The following DNAH6 variants were observed in gnomAD, a reference collection of about 807,000 sequenced individuals.
DNAH6 encodes axonemal beta dynein heavy chain 6.
A neutral mutation model predicts 491.4 loss-of-function variants in DNAH6; 340 were observed. The ratio of observed to expected loss-of-function variants is 0.69; its 90% CI spans 0.63 to 0.76. The LOEUF is 0.76. DNAH6 is among the 30% of genes least tolerant of loss of function. DNAH6 has a pLI of 0.00. For missense variants in DNAH6, 4,443 were observed against 4,972.2 expected, an observed-to-expected ratio of 0.89 and a Z score of 3.20; for synonymous variants, 1,603 against 1,686.1, an observed-to-expected ratio of 0.95 and a Z score of 1.21.
At chr2:84,792,727 G>A (rs1367995519) in intron 68 of DNAH6, among the ~76,000 whole-genome samples, 1 of 152,182 alleles carries the variant, frequency 6.6e-6, no homozygotes. Context: ...AATAAATTTT[G>A]CTCTAACTTA....
chr2:84,558,007 T>C, intron 11 of DNAH6, 72 bp downstream of exon 11: 1 of 1,004,564 alleles, frequency 1.0e-6, no homozygotes, highest in Non-Finnish European at 1.4e-6. Context: ...ATATATTTTT[T>C]CTTTCTTATC....
intron 29 of DNAH6, among the ~76,000 whole-genome samples, chr2:84,630,407 CCTAATGAAT>C (rs2104447626): frequency 6.6e-6 from 1 of 152,146 alleles, no homozygotes. Context: ...TAAACTTCAA[CCTAATGAAT>C]CTAATGGAGT....
At chr2:84,795,798 T>TA (rs1678288301) in intron 68 of DNAH6, among the ~76,000 whole-genome samples, 1 of 152,236 alleles carries the variant, frequency 6.6e-6, no homozygotes, top group South Asian at 2.1e-4. Context: ...TCCTTATAAT[T>TA]ACTGTGAAGT....
intron 3 of DNAH6, 50 bp downstream of exon 3, chr2:84,525,788 T>C: frequency 7.5e-7 from 1 of 1,333,526 alleles, no homozygotes; most frequent in Non-Finnish European, 1.0e-6. Context: ...TTTTGTTTTG[T>C]ATAGCATTGC....
chr2:84,698,897 G>A (rs1249481108), intron 47 of DNAH6, among the ~76,000 whole-genome samples: 1 of 152,168 alleles, frequency 6.6e-6, no homozygotes, highest in Non-Finnish European at 1.5e-5. Context: ...AAACATGGAT[G>A]CAGCTGGAGG....
At chr2:84,660,974 A>C (rs989226406) in intron 37 of DNAH6, among the ~76,000 whole-genome samples, 4 of 152,140 alleles carry the variant, frequency 2.6e-5, no homozygotes, top group Non-Finnish European at 5.9e-5. Context: ...GCTATAAATT[A>C]TATTATTGGA....
At chr2:84,565,955 T>C (rs983182699) in intron 11 of DNAH6, among the ~76,000 whole-genome samples, 12 of 151,994 alleles carry the variant, frequency 7.9e-5, no homozygotes, top group Non-Finnish European at 1.6e-4. Context: ...TAGGTCCTTT[T>C]TCATCTCTTT....
intron 64 of DNAH6, chr2:84,777,755 A>T: frequency 1.1e-6 from 1 of 894,202 alleles, no homozygotes; most frequent in East Asian, 2.4e-5. Context: ...GGCTGAATCC[A>T]GATTGCAACC....
At chr2:84,726,331 G>C (rs907014734) in intron 60 of DNAH6, among the ~76,000 whole-genome samples, 1 of 152,154 alleles carries the variant, frequency 6.6e-6, no homozygotes, top group Admixed American at 6.5e-5. Flanking sequence ...TCCTGAGACT[G>C]CAAACACATG....
chr2:84,814,256 C>T, intron 75 of DNAH6, 134 bp downstream of exon 75: 1 of 851,132 alleles, frequency 1.2e-6, no homozygotes, highest in Non-Finnish European at 1.8e-6. Context: ...AGTAATCACA[C>T]CTCCAAGATA....
intron 8 of DNAH6, 84 bp downstream of exon 8, chr2:84,548,501 T>C: frequency 2.0e-6 from 3 of 1,501,260 alleles, no homozygotes; most frequent in African/African-American, 2.8e-5. Flanking sequence ...GTGATGACTA[T>C]GTTAATTTGC....
chr2:84,644,212 G>C (rs1689683856), intron 33 of DNAH6, among the ~76,000 whole-genome samples: 1 of 152,160 alleles, frequency 6.6e-6, no homozygotes, highest in Admixed American at 6.5e-5. Context: ...CCTTCTCCCA[G>C]TGAAAGGCTA....
At chr2:84,782,733 T>G (rs1390029845) in intron 65 of DNAH6, among the ~76,000 whole-genome samples, 1 of 152,142 alleles carries the variant, frequency 6.6e-6, no homozygotes, top group Non-Finnish European at 1.5e-5. Flanking sequence ...TATTTCTACT[T>G]AAATAATTAA....
chr2:84,471,531 G>A, the DNAH6 span, among the ~76,000 whole-genome samples: 1 of 152,200 alleles, frequency 6.6e-6, no homozygotes, highest in African/African-American at 2.4e-5. Context: ...AGGGTAGAGA[G>A]GAGCTCAGTC....
intron 40 of DNAH6, among the ~76,000 whole-genome samples, 192 bp downstream of exon 40, chr2:84,672,676 ACT>A (rs1244584934): frequency 1.3e-5 from 2 of 151,914 alleles, no homozygotes; most frequent in Non-Finnish European, 2.9e-5. Flanking sequence ...TCTTCTGAAC[ACT>A]CTTTCCTTAT....
At chr2:84,657,356 C>T (rs768154862) in intron 35 of DNAH6, among the ~76,000 whole-genome samples, 1 of 151,928 alleles carries the variant, frequency 6.6e-6, no homozygotes, top group African/African-American at 2.4e-5. Context: ...GTCAATTAAT[C>T]CACAAAGTAA....
upstream of DNAH6, among the ~76,000 whole-genome samples, chr2:84,516,197 TG>T (rs1298921168): frequency 6.6e-6 from 1 of 152,138 alleles, no homozygotes; most frequent in Non-Finnish European, 1.5e-5. Flanking sequence ...TGTAAGAGGT[TG>T]AGATGGGTGT....
chr2:84,516,326 TCTC>T (rs1315121727), upstream of DNAH6: 2 of 152,214 alleles, frequency 1.3e-5, no homozygotes, highest in African/African-American at 4.8e-5. Context: ...CTGTGCGGCT[TCTC>T]CAACAATCAG....
chr2:84,736,901 G>A (rs1181146542), intron 62 of DNAH6, among the ~76,000 whole-genome samples: 1 of 152,032 alleles, frequency 6.6e-6, no homozygotes, highest in Non-Finnish European at 1.5e-5. Context: ...TCTATGTTTT[G>A]TTCCAGTTCT....
Sources: allele counts gnomAD v4.1 joint callset (sites outside exome capture counted in the v4.1 genomes callset), GRCh38; gene constraint gnomAD v4.1.1; transcripts MANE v1.5; gene names NCBI Gene and HGNC (gene_info 2026-07-23, HGNC 2026-07-21).